C17orf67: variants seen among roughly 807,000 people sequenced by gnomAD.
C17orf67 encodes chromosome 17 open reading frame 67, also known as uncharacterized protein C17orf67.
A neutral mutation model predicts 11.2 loss-of-function variants in C17orf67; 12 were observed. The observed-to-expected ratio is 1.07, with a 90% confidence interval of 0.68 to 1.73. The LOEUF is 1.73. Ranked by LOEUF, C17orf67 falls within the 40% of genes most tolerant of loss-of-function variation. C17orf67 has a pLI of 0.00. For missense variants in C17orf67, 115 were observed against 113.5 expected, an observed-to-expected ratio of 1.01 and a Z score of -0.06; for synonymous variants, 59 against 46.9, an observed-to-expected ratio of 1.26 and a Z score of -1.05.
chr17:56,826,101 C>T (rs1906024269), intron 2 of C17orf67, among the ~76,000 whole-genome samples: 1 of 152,004 alleles, frequency 6.6e-6, no homozygotes, highest in Non-Finnish European at 1.5e-5. Context: ...ATTACAGGCA[C>T]GCACCACCAC....
intron 6 of C17orf67, among the ~76,000 whole-genome samples, chr17:56,806,017 CA>C (rs1490777704): frequency 8.1e-6 from 1 of 123,022 alleles, no homozygotes; most frequent in East Asian, 2.7e-4. Flanking sequence ...CTCTGTCGTC[CA>C]GGCTGGAGTG....
chr17:56,818,551 G>C (rs139320751), intron 4 of C17orf67, among the ~76,000 whole-genome samples: 264 of 152,126 alleles, frequency 1.7e-3, no homozygotes, highest in African/African-American at 6.1e-3. Flanking sequence ...TTTAAATTTT[G>C]CAACTTTTGT....
chr17:56,825,966 C>CAT (rs1906019542), intron 2 of C17orf67, among the ~76,000 whole-genome samples: 1 of 151,242 alleles, frequency 6.6e-6, no homozygotes, highest in African/African-American at 2.4e-5. Context: ...TGTGTGCACG[C>CAT]GTGTGTGTGA....
chr17:56,797,117 T>G (rs1486094712), intron 6 of C17orf67, among the ~76,000 whole-genome samples: 1 of 152,132 alleles, frequency 6.6e-6, no homozygotes, highest in African/African-American at 2.4e-5. Flanking sequence ...TTTGTTAATC[T>G]CTATGCTTCT....
chr17:56,805,674 G>A (rs373422395), intron 6 of C17orf67, among the ~76,000 whole-genome samples: 70 of 151,888 alleles, frequency 4.6e-4, no homozygotes, highest in African/African-American at 1.5e-3. Context: ...TCATTTTCTC[G>A]GAATATACCC....
At chr17:56,818,946 C>A (rs138267783) in intron 4 of C17orf67, among the ~76,000 whole-genome samples, 1 of 152,186 alleles carries the variant, frequency 6.6e-6, no homozygotes, top group South Asian at 2.1e-4. Context: ...ACCAGGCTCC[C>A]AAATGGGATT....
In C17orf67 at chr17:56,824,727, T is replaced by TG. The variant is rs1441631824; in HGVS notation, c.-201+11dup. 6.6e-6 allele frequency: 1 copy of TG among 152,296 alleles called. No homozygotes were observed. The highest frequency in any genetic ancestry group is 1.5e-5 in the Non-Finnish European group (1 of 68,076). 9.4% of individuals were successfully genotyped at this position (152,296 alleles called of 1,614,324 possible). On this transcript the variant is annotated intron_variant, in intron 4 of 7. Coordinates refer to ENST00000397861, the MANE Select transcript of C17orf67 (RefSeq NM_001085430.4). ...AATCCAGACTCTGTCCCAAAGACATTGCTCAACTTACCTCCTGCTGGGAAC... is the reference window on the plus strand; with the variant it reads ...AATCCAGACTCTGTCCCAAAGACATTGGCTCAACTTACCTCCTGCTGGGAAC...
chr17:56,805,105 C>T (rs1905413315), intron 6 of C17orf67, among the ~76,000 whole-genome samples: 1 of 152,172 alleles, frequency 6.6e-6, no homozygotes, highest in Non-Finnish European at 1.5e-5. Flanking sequence ...TTAGAACAGT[C>T]TAGTAGACAG....
chr17:56,816,231 C>G (rs151180726), intron 4 of C17orf67, among the ~76,000 whole-genome samples: 78 of 152,302 alleles, frequency 5.1e-4, no homozygotes, highest in African/African-American at 1.8e-3. Context: ...ATTCACCAGT[C>G]TAATTTGATC....
intron 4 of C17orf67, among the ~76,000 whole-genome samples, chr17:56,816,691 G>A (rs958534875): frequency 2.0e-5 from 3 of 152,154 alleles, no homozygotes; most frequent in Non-Finnish European, 4.4e-5. Context: ...AGGGCCTCAC[G>A]CAACATGCTG....
At chr17:56,794,948 C>T (rs1694800988) in intron 7 of C17orf67, 96 bp downstream of exon 7, 1 of 806,352 alleles carries the variant, frequency 1.2e-6, no homozygotes, top group South Asian at 1.7e-5. Context: ...ACCAGCTGGC[C>T]CCCCTGAGGC....
At chr17:56,795,691 G>A (rs1180701684) in intron 6 of C17orf67, among the ~76,000 whole-genome samples, 1 of 152,084 alleles carries the variant, frequency 6.6e-6, no homozygotes, top group Non-Finnish European at 1.5e-5. Flanking sequence ...ATCAGGAAAG[G>A]CATATAAAAA....
rs1172292936 is a variant in C17orf67, at chr17:56,795,047, G to A, written c.*17C>T. The stretch of plus-strand genomic sequence containing the variant: ...CGGGAGAGAGAAGGAGACGTACCGA[G>A]GCTGGTCCTGATCCCCTTACACAGG... On this transcript the variant is annotated 3_prime_UTR_variant, in exon 7 of 8. Coordinates refer to ENST00000397861, the MANE Select transcript of C17orf67 (RefSeq NM_001085430.4). 1.2e-6 allele frequency: 2 copies of A among 1,600,382 alleles called. No homozygotes were observed. The highest frequency in any genetic ancestry group is 1.7e-6 in the Non-Finnish European group (2 of 1,167,924).
At position 56,792,256 on chromosome 17, in the gene C17orf67, G is replaced by A. The variant is rs190688675; in HGVS notation, c.*117C>T. On this transcript the variant is annotated 3_prime_UTR_variant, in exon 8 of 8. Transcript: ENST00000397861. ...CTTTGATATGCCCACAGTTCACGAG[G>A]TCTGAAGACATCCATTTCTGCAATT... The A allele has an allele frequency of 1.3e-4, 20 of 152,360 alleles. No individual in the cohort carries two copies. The highest frequency in any genetic ancestry group is 4.8e-4 in the African/African-American group (20 of 41,568). The allele number at this position is 152,360 out of a possible 1,614,324, so 9.4% of individuals were successfully genotyped here.
chr17:56,817,859 T>TC (rs1190657769), intron 4 of C17orf67, among the ~76,000 whole-genome samples: 1 of 150,526 alleles, frequency 6.6e-6, no homozygotes, highest in African/African-American at 2.4e-5. Context: ...TTAGAGCATT[T>TC]TTTTTTTTGA....
At position 56,833,776 on chromosome 17, in the gene C17orf67, A is replaced by T. The variant is rs1906342318; in HGVS notation, c.-1160T>A. The T allele has an allele frequency of 6.6e-6, 1 of 151,514 alleles. No individual in the cohort carries two copies. Among genetic ancestry groups the T allele is most frequent in the Admixed American group, 6.6e-5 (1 of 15,248 alleles). 9.4% of individuals were successfully genotyped at this position (151,514 alleles called of 1,614,324 possible). A position where few individuals can be genotyped will look rare whatever the true frequency, so the allele number is the denominator to read the frequency against. ...GTGTCTGCGCCGAGCGGCGGGCGTGAGCGCGGCCCCTGGGCCCCGCGCGGC... is the reference window on the plus strand; with the variant it reads ...GTGTCTGCGCCGAGCGGCGGGCGTGTGCGCGGCCCCTGGGCCCCGCGCGGC... On this transcript the variant is annotated 5_prime_UTR_variant, in exon 1 of 8. Coordinates refer to ENST00000397861, the MANE Select transcript of C17orf67 (RefSeq NM_001085430.4).
intron 6 of C17orf67, among the ~76,000 whole-genome samples, chr17:56,814,531 GA>G (rs919500208): frequency 5.9e-5 from 9 of 152,188 alleles, no homozygotes; most frequent in African/African-American, 2.2e-4. Flanking sequence ...GGGCCCAAGG[GA>G]AGAGGCAGGA....
chr17:56,830,458 T>C (rs1026947796), intron 2 of C17orf67, among the ~76,000 whole-genome samples: 9 of 152,208 alleles, frequency 5.9e-5, no homozygotes, highest in Admixed American at 2.0e-4. Context: ...AAATAGTGGA[T>C]ATTTTTCAAA....
At chr17:56,796,878 TGGCCCACCA>T (rs1185967157) in intron 6 of C17orf67, among the ~76,000 whole-genome samples, 1 of 130,710 alleles carries the variant, frequency 7.7e-6, no homozygotes, top group East Asian at 2.4e-4. Context: ...GGGTCAAAGG[TGGCCCACCA>T]GGGCCACCTT....
Sources: allele counts gnomAD v4.1 joint callset (sites outside exome capture counted in the v4.1 genomes callset), GRCh38; gene constraint gnomAD v4.1.1; transcripts MANE v1.5; gene names NCBI Gene and HGNC (gene_info 2026-07-23, HGNC 2026-07-21).